SCN11A: variants seen among roughly 807,000 people sequenced by gnomAD.
SCN11A encodes sodium channel protein type 11 subunit alpha.
Under a neutral mutation model 162.2 loss-of-function variants are expected in SCN11A, and 122 were observed. That is an observed-to-expected ratio of 0.75 (90% confidence interval 0.65 to 0.87). The LOEUF (loss-of-function observed/expected upper bound fraction) is 0.87. SCN11A is among the 40% of genes least tolerant of loss of function. The pLI, the probability that SCN11A is intolerant of heterozygous loss-of-function variation, is 0.00. For synonymous variants in SCN11A, 758 were observed against 751.5 expected (o/e 1.01, Z -0.14); for missense variants, 2,015 against 2,181.6 (o/e 0.92, Z 1.52).
chr3:38,991,143 A>C lies in SCN11A; in HGVS notation c.-279-30720T>G, dbSNP rs1233405091. 3.9e-5 allele frequency among the ~76,000 whole-genome samples: 6 copies of C among 152,210 alleles called. No individual in the cohort carries two copies. In the East Asian group the frequency reaches 1.2e-3, roughly 29 times the overall value. Reference sequence around the variant, plus strand: ...TGAAAAAAGTATTTTATACTTTCTAAAAGTTAGAAAGTTTCACCTTGAATC... The same window carrying C: ...TGAAAAAAGTATTTTATACTTTCTACAAGTTAGAAAGTTTCACCTTGAATC... On this transcript the variant is annotated intron_variant, in intron 2 of 29. Coordinates refer to ENST00000302328, the MANE Select transcript of SCN11A (RefSeq NM_001349253.2).
In SCN11A at chr3:38,846,921, G is replaced by C. The variant is rs941148068; in HGVS notation, c.5149C>G (p.Leu1717Val). ...MEEKFMEANP[L>V]KKLYEPIVTT... The stretch of plus-strand genomic sequence containing the variant: ...ACTATGGGTTCATACAACTTCTTGA[G>C]AGGATTGGCTTCCATGAACTTCTCT... Residue 1717 changes from leucine to valine, a missense_variant, in exon 30 of 30, where the codon CTC (leucine) becomes GTC (valine). Leu to Val is a conservative substitution (Grantham distance 32). Transcript: ENST00000302328. 6.2e-7 allele frequency: 1 copy of C among 1,614,072 alleles called. No individual in the cohort carries two copies. The highest frequency in any genetic ancestry group is 8.5e-7 in the Non-Finnish European group (1 of 1,179,988).
chr3:38,914,981 T>C (rs2065939278), intron 11 of SCN11A, among the ~76,000 whole-genome samples: 1 of 152,144 alleles, frequency 6.6e-6, no homozygotes, highest in Non-Finnish European at 1.5e-5. Flanking sequence ...AGGACGATGG[T>C]GGTCTCATTG....
chr3:39,045,705 T>C (rs914920026), intron 1 of SCN11A, among the ~76,000 whole-genome samples: 1 of 151,942 alleles, frequency 6.6e-6, no homozygotes, highest in Non-Finnish European at 1.5e-5. Flanking sequence ...CAGGAGAAAA[T>C]TGAAAACTCT....
At chr3:38,961,625 C>A (rs150324334) in intron 2 of SCN11A, among the ~76,000 whole-genome samples, 1 of 152,280 alleles carries the variant, frequency 6.6e-6, no homozygotes, top group South Asian at 2.1e-4. Flanking sequence ...ATAAATGCAA[C>A]GTGTGTGTTT....
chr3:38,939,317 A>C (rs778898996), intron 7 of SCN11A, among the ~76,000 whole-genome samples: 5 of 152,136 alleles, frequency 3.3e-5, no homozygotes, highest in Non-Finnish European at 7.4e-5. Context: ...ATGGAATTTA[A>C]GATATAGTTT....
At chr3:38,905,912 TAA>T (rs1280582410) in intron 14 of SCN11A, among the ~76,000 whole-genome samples, 1 of 152,234 alleles carries the variant, frequency 6.6e-6, no homozygotes, top group Non-Finnish European at 1.5e-5. Flanking sequence ...CCTACAATTC[TAA>T]AGTTACTGGA....
intron 2 of SCN11A, among the ~76,000 whole-genome samples, chr3:39,007,616 A>G (rs1279974251): frequency 6.6e-6 from 1 of 152,208 alleles, no homozygotes; most frequent in Non-Finnish European, 1.5e-5. Flanking sequence ...AATAACACTT[A>G]AAAAAGTTTC....
rs181646383 is a variant in SCN11A at position 38,970,394 on chromosome 3, T to G, written c.-279-9971A>C. 4.7e-3 allele frequency among the ~76,000 whole-genome samples: 714 copies of G among 152,296 alleles called. 2 individuals are homozygous for G. The highest frequency in any genetic ancestry group is 6.8e-3 in the Middle Eastern group (2 of 294). On this transcript the variant is annotated intron_variant, in intron 2 of 29. Coordinates refer to ENST00000302328, the MANE Select transcript of SCN11A (RefSeq NM_001349253.2). ...TCTTTGAAACAAATAATATGCCCTC[T>G]CCAAAATAAATTTTAGTAAAGAAAT... is the stretch of plus-strand genomic sequence containing the variant.
intron 19 of SCN11A, among the ~76,000 whole-genome samples, chr3:38,887,810 G>GT (rs761297914): frequency 1.2e-4 from 18 of 152,176 alleles, no homozygotes; most frequent in Non-Finnish European, 2.2e-4. Flanking sequence ...TTGGGTGAAT[G>GT]TTTTATCCTA....
intron 2 of SCN11A, among the ~76,000 whole-genome samples, chr3:38,989,713 G>A (rs1432844373): frequency 6.6e-6 from 1 of 152,162 alleles, no homozygotes; most frequent in Non-Finnish European, 1.5e-5. Flanking sequence ...TTTTTCCTCT[G>A]TAAAATGGGA....
chr3:38,907,308 A>ATGTGTGTGTGTGTG (rs1395920809), intron 14 of SCN11A, among the ~76,000 whole-genome samples: 3 of 33,918 alleles, frequency 8.8e-5, no homozygotes, highest in East Asian at 2.4e-3. Context: ...ATACCAACAT[A>ATGTGTGTGTGTGTG]TATGTGTGTG....
intron 5 of SCN11A, among the ~76,000 whole-genome samples, chr3:38,949,089 A>T (rs1157812733): frequency 6.6e-6 from 1 of 152,234 alleles, no homozygotes; most frequent in African/African-American, 2.4e-5. Flanking sequence ...TTGAAAGGTC[A>T]GTTTCTTATG....
intron 27 of SCN11A, among the ~76,000 whole-genome samples, chr3:38,867,096 T>C (rs1339992151): frequency 6.6e-6 from 1 of 152,194 alleles, no homozygotes; most frequent in Non-Finnish European, 1.5e-5. Flanking sequence ...ATTAAGAAGG[T>C]AAAAGAGAAT....
chr3:38,951,220 T>A (rs2066609081), intron 4 of SCN11A, among the ~76,000 whole-genome samples: 1 of 152,134 alleles, frequency 6.6e-6, no homozygotes, highest in South Asian at 2.1e-4. Context: ...CGGGTGGGCG[T>A]GGGCTTGGCG....
chr3:38,885,424 A>ACCCCCTTCCTTTT, intron 20 of SCN11A, 22 bp from the exon 21 acceptor site: 1 of 1,314,142 alleles, frequency 7.6e-7, no homozygotes, highest in Non-Finnish European at 1.1e-6. Context: ...AACAAAACGA[A>ACCCCCTTCCTTTT]GGGGGTGCCT....
intron 2 of SCN11A, among the ~76,000 whole-genome samples, chr3:39,014,558 G>A (rs1362413124): frequency 1.3e-5 from 2 of 152,186 alleles, no homozygotes; most frequent in South Asian, 2.1e-4. Flanking sequence ...CCATAATTGA[G>A]TCTTTAGCAG....
chr3:38,929,398 G>A (rs2066203823), intron 7 of SCN11A, among the ~76,000 whole-genome samples: 1 of 152,296 alleles, frequency 6.6e-6, no homozygotes, highest in Middle Eastern at 3.4e-3. Flanking sequence ...CTGAGGGGAA[G>A]ATTGAAATGG....
intron 2 of SCN11A, among the ~76,000 whole-genome samples, chr3:39,015,377 T>C (rs1237919105): frequency 6.6e-6 from 1 of 152,074 alleles, no homozygotes; most frequent in Non-Finnish European, 1.5e-5. Context: ...GGAGCACAAA[T>C]GGACTAAGAC....
At chr3:39,044,127 G>A (rs2032128235) in intron 1 of SCN11A, among the ~76,000 whole-genome samples, 1 of 152,016 alleles carries the variant, frequency 6.6e-6, no homozygotes, top group Non-Finnish European at 1.5e-5. Context: ...ATAATAAAGG[G>A]ATCAATTCAG....
Sources: allele counts gnomAD v4.1 joint callset (sites outside exome capture counted in the v4.1 genomes callset), GRCh38; gene constraint gnomAD v4.1.1; transcripts MANE v1.5; gene names NCBI Gene and HGNC (gene_info 2026-07-23, HGNC 2026-07-21).